Variants in C9orf72 observed in about 807,000 individuals in gnomAD.
C9orf72 encodes the protein guanine nucleotide exchange factor C9orf72.
C9orf72 carries 44 observed loss-of-function variants against 51.6 expected under a neutral mutation model. The observed-to-expected ratio is 0.85, with a 90% CI of 0.67 to 1.10. The LOEUF (loss-of-function observed/expected upper bound fraction) is 1.10, where lower values mean the gene tolerates loss of function less well. C9orf72 is among the 50% of genes least tolerant of loss of function. The pLI, the probability that C9orf72 is intolerant of heterozygous loss-of-function variation, is 0.00. For missense variants in C9orf72, 607 were observed against 570.6 expected (o/e 1.06, Z -0.65); for synonymous variants, 213 against 194.2 (o/e 1.10, Z -0.81).
chr9:27,564,324 T>C (rs938994053), intron 3 of C9orf72, among the ~76,000 whole-genome samples: 8 of 152,182 alleles, frequency 5.3e-5, no homozygotes, highest in Non-Finnish European at 1.2e-4. Flanking sequence ...AATTCATTAA[T>C]AGTAGTCAAC....
At chr9:27,554,326 T>C (rs1000630837) in intron 8 of C9orf72, among the ~76,000 whole-genome samples, 2 of 152,202 alleles carry the variant, frequency 1.3e-5, no homozygotes, top group African/African-American at 4.8e-5. Context: ...CATGGAATAC[T>C]ATGCAGCCAT....
chr9:27,570,665 A>G (rs1448003294), intron 1 of C9orf72, among the ~76,000 whole-genome samples: 1 of 152,168 alleles, frequency 6.6e-6, no homozygotes, highest in Non-Finnish European at 1.5e-5. Flanking sequence ...CAGGAGCTCA[A>G]GACCAGCCTG....
rs2783012 is a variant in C9orf72, at chr9:27,548,089, C to T, written c.*147G>A. ...TGCACCTGACATCCCCTCACAGGCT[C>T]TTGTGAGAACTGTAGTGTAACTTAC... is the stretch of plus-strand genomic sequence containing the variant. On this transcript the variant is annotated 3_prime_UTR_variant, in exon 11 of 11. Transcript: ENST00000380003. The T allele has an allele frequency of 2.0e-6, 1 of 502,156 alleles. No individual in the cohort carries two copies. The highest frequency in any genetic ancestry group is 3.4e-6 in the Non-Finnish European group (1 of 290,108). The allele number at this position is 502,156 out of a possible 1,614,324, so 31.1% of individuals were successfully genotyped here. A position where few individuals can be genotyped will look rare whatever the true frequency, so the allele number is the denominator to read the frequency against.
At chr9:27,561,484 TAAGTA>T in intron 5 of C9orf72, 96 bp downstream of exon 5, 2 of 1,534,228 alleles carry the variant, frequency 1.3e-6, no homozygotes, top group South Asian at 2.5e-5. Flanking sequence ...TAGAACAATC[TAAGTA>T]GACAGTCTGT....
intron 5 of C9orf72, chr9:27,560,727 T>C (rs984377157): frequency 2.0e-5 from 20 of 986,150 alleles, no homozygotes; most frequent in Non-Finnish European, 2.3e-5. Flanking sequence ...AACACACTCA[T>C]GCCTCTGATA....
intron 1 of C9orf72, among the ~76,000 whole-genome samples, chr9:27,570,719 T>G (rs1465101307): frequency 6.6e-6 from 1 of 151,832 alleles, no homozygotes; most frequent in Non-Finnish European, 1.5e-5. Context: ...TACAAAAAAT[T>G]AGCCGGGTGT....
At chr9:27,569,462 C>G (rs1819540085) in intron 1 of C9orf72, among the ~76,000 whole-genome samples, 1 of 152,168 alleles carries the variant, frequency 6.6e-6, no homozygotes, top group African/African-American at 2.4e-5. Flanking sequence ...TACCTTTTCT[C>G]TGTTTGCATA....
Position 27,567,003 on chromosome 9 carries a change from T to G in C9orf72, c.118A>C (p.Arg40=). Residue 40 remains arginine, a synonymous_variant, in exon 2 of 11, where the codon AGA becomes CGA. Coordinates refer to ENST00000380003, the MANE Select transcript of C9orf72 (RefSeq NM_018325.5). The stretch of plus-strand genomic sequence containing the variant: ...TTTGGAGCCCAAATGTGCCTTACTC[T>G]AGGACCAAGAATATTGTCCCAGTAA... The part of the protein sequence containing the change: ...FAYWDNILGP[R]VRHIWAPKTE... 1 of 1,614,106 alleles carries G rather than the reference T, an allele frequency of 6.2e-7. No homozygotes were observed. The highest frequency in any genetic ancestry group is 8.5e-7 in the Non-Finnish European group (1 of 1,179,942).
Position 27,550,259 on chromosome 9 carries a change from TA to T in C9orf72, c.1149+390del, listed in dbSNP as rs541591249. On this transcript the variant is annotated intron_variant, in intron 9 of 10. Transcript: ENST00000380003. ...AAGCATTGCAGGATATATATATGTATATATTATATCTGTAAAAGCTAAGTCA... is the reference window on the plus strand; with the variant it reads ...AAGCATTGCAGGATATATATATGTATTATTATATCTGTAAAAGCTAAGTCA... Among the ~76,000 whole-genome samples the T allele has an allele frequency of 2.7e-3, 411 of 151,492 alleles. 1 individual carries two copies. The highest frequency in any genetic ancestry group is 4.9e-3 in the Non-Finnish European group (332 of 67,830).
intron 2 of C9orf72, 140 bp downstream of exon 2, chr9:27,566,537 T>G: frequency 1.6e-6 from 1 of 627,258 alleles, no homozygotes; most frequent in Non-Finnish European, 2.7e-6. Flanking sequence ...TATTTGTATC[T>G]AATAGGGTAA....
chr9:27,548,220 T>G lies in C9orf72; in HGVS notation c.*16A>C. ...CGATCATGATTGTGATGGAATAGGC[T>G]TATTAAGTTACACATTTAAAAAGTC... On this transcript the variant is annotated 3_prime_UTR_variant, in exon 11 of 11. Coordinates refer to ENST00000380003, the MANE Select transcript of C9orf72 (RefSeq NM_018325.5). 1 of 1,589,254 alleles carries G rather than the reference T, an allele frequency of 6.3e-7. No individual in the cohort carries two copies. The highest frequency in any genetic ancestry group is 8.6e-7 in the Non-Finnish European group (1 of 1,162,964).
chr9:27,560,583 A>G, intron 5 of C9orf72: 1 of 837,832 alleles, frequency 1.2e-6, no homozygotes, highest in Non-Finnish European at 1.5e-6. Flanking sequence ...TTATAGCTGA[A>G]GAAATTGACA....
chr9:27,558,664 T>C, intron 6 of C9orf72, 57 bp from the exon 7 acceptor site: 1 of 845,428 alleles, frequency 1.2e-6, no homozygotes, highest in African/African-American at 1.7e-5. Context: ...ACTGATTTGC[T>C]TATGAAAGAT....
At position 27,547,976 on chromosome 9, in the gene C9orf72, A is replaced by C. The variant is rs1252380361; in HGVS notation, c.*260T>G. ...TTTACATCCTATTATTATATCTTTA[A>C]AAGATAGCAATAATATTTATTATAT... On this transcript the variant is annotated 3_prime_UTR_variant, in exon 11 of 11. Coordinates refer to ENST00000380003, the MANE Select transcript of C9orf72 (RefSeq NM_018325.5). The C allele has an allele frequency of 3.9e-6, 1 of 256,688 alleles. No individual in the cohort carries two copies. Among genetic ancestry groups the C allele is most frequent in the Non-Finnish European group, 7.3e-6 (1 of 137,218 alleles). The allele number at this position is 256,688 out of a possible 1,614,324, so 15.9% of individuals were successfully genotyped here. A position where few individuals can be genotyped will look rare whatever the true frequency, so the allele number is the denominator to read the frequency against.
intron 3 of C9orf72, among the ~76,000 whole-genome samples, chr9:27,564,012 C>A (rs1698219916): frequency 6.6e-6 from 1 of 151,990 alleles, no homozygotes; most frequent in Non-Finnish European, 1.5e-5. Flanking sequence ...AGAACTCAAT[C>A]AAAAGGCAAC....
chr9:27,567,286 T>C (rs368334484), intron 1 of C9orf72, 122 bp from the exon 2 acceptor site: 3 of 615,848 alleles, frequency 4.9e-6, no homozygotes, highest in African/African-American at 1.8e-5. Flanking sequence ...AATCCTGTTA[T>C]CTCCTATCAG....
rs1198261170 is a variant in C9orf72, at chr9:27,573,469, A to AGGCACCGCAACCGCGGCACCGCAACCGC, written c.-84_-83insGCGGTTGCGGTGCCGCGGTTGCGGTGCC. On this transcript the variant is annotated 5_prime_UTR_variant, in exon 1 of 11. Transcript: ENST00000380003. ...CCTGCGCCTCCGCCGCCGCGGGCGC[A>AGGCACCGCAACCGCGGCACCGCAACCGC]GGCACCGCAACCGCAGCCCCGCCCC... The AGGCACCGCAACCGCGGCACCGCAACCGC allele has an allele frequency of 5.1e-5, 7 of 138,482 alleles. No individual in the cohort carries two copies. Among genetic ancestry groups the AGGCACCGCAACCGCGGCACCGCAACCGC allele is most frequent in the African/African-American group, 1.9e-4 (7 of 37,730 alleles). 8.6% of individuals were successfully genotyped at this position (138,482 alleles called of 1,614,324 possible). A position where few individuals can be genotyped will look rare whatever the true frequency, so the allele number is the denominator to read the frequency against.
At chr9:27,552,016 T>A (rs1820918565) in intron 8 of C9orf72, among the ~76,000 whole-genome samples, 1 of 152,188 alleles carries the variant, frequency 6.6e-6, no homozygotes, top group Non-Finnish European at 1.5e-5. Flanking sequence ...AAAACTTTGC[T>A]GAAATTTTTA....
At chr9:27,549,761 A>C (rs997829332) in intron 9 of C9orf72, among the ~76,000 whole-genome samples, 3 of 143,208 alleles carry the variant, frequency 2.1e-5, no homozygotes, top group African/African-American at 7.7e-5. Context: ...AGGCAAATAA[A>C]CAACCTCCCT....
Sources: gnomAD v4.1 joint callset for allele counts (sites outside exome capture counted in the v4.1 genomes callset) on GRCh38, gnomAD v4.1.1 for gene constraint, MANE v1.5 for transcripts, NCBI Gene and HGNC (gene_info 2026-07-23, HGNC 2026-07-21) for gene names.